Variants in AHI1 observed in about 807,000 individuals in gnomAD.
The protein encoded by AHI1 is jouberin.
AHI1 carries 123 observed loss-of-function variants against 149.3 expected under a neutral mutation model. The observed-to-expected ratio is 0.82, with a 90% CI of 0.71 to 0.96. AHI1 has a LOEUF of 0.96. Ranked by LOEUF, AHI1 falls within the 40% of genes least tolerant of loss-of-function variation. AHI1 has a pLI of 0.00. For synonymous variants in AHI1, 475 were observed against 459.8 expected, an observed-to-expected ratio of 1.03 and a Z score of -0.42; for missense variants, 1,439 against 1,422.7, an observed-to-expected ratio of 1.01 and a Z score of -0.18.
chr6:135,476,097 G>A (rs553875756), intron 5 of AHI1, among the ~76,000 whole-genome samples: 1 of 152,186 alleles, frequency 6.6e-6, no homozygotes, highest in Non-Finnish European at 1.5e-5. Flanking sequence ...AATGCTACAA[G>A]TTTCCTTCTA....
At chr6:135,345,616 C>T (rs1200294818) in intron 24 of AHI1, among the ~76,000 whole-genome samples, 1 of 151,888 alleles carries the variant, frequency 6.6e-6, no homozygotes, top group Non-Finnish European at 1.5e-5. Flanking sequence ...AATAGGCAAA[C>T]CCATAGAGAT....
rs770273511 is a variant in AHI1, at chr6:135,463,161, G to A, written c.895C>T (p.Pro299Ser). 2 of 1,596,092 alleles carry A rather than the reference G, an allele frequency of 1.3e-6. No homozygotes were observed. Among genetic ancestry groups the A allele is most frequent in the Non-Finnish European group, 1.7e-6 (2 of 1,172,928 alleles). Residue 299 changes from proline (P) to serine (S), a missense_variant, in exon 8 of 29, where the codon CCT (proline) becomes TCT (serine). By Grantham distance (74) the Pro-to-Ser change is moderately conservative. Coordinates refer to ENST00000265602, the MANE Select transcript of AHI1 (RefSeq NM_001134831.2). ...TTCTTTTTTGTTTTTTTTGGTTTAG[G>A]TTTTGTATCATCTTGCATGCTGTCT... ...TEDSMQDDTK[P>S]KPKKTKKKTK...
In AHI1 at chr6:135,340,658, C is replaced by CATATATAT. The variant is rs71006759; in HGVS notation, c.3166-17342_3166-17335dup. 4.2e-3 allele frequency among the ~76,000 whole-genome samples: 160 copies of CATATATAT among 37,954 alleles called. 1 individual carries two copies. Among genetic ancestry groups the CATATATAT allele is most frequent in the African/African-American group, 0.017 (125 of 7,360 alleles). The allele number at this position is 37,954 out of a possible 152,430, so 24.9% of individuals were successfully genotyped here. On this transcript the variant is annotated intron_variant, in intron 24 of 28. Coordinates refer to ENST00000265602, the MANE Select transcript of AHI1 (RefSeq NM_001134831.2). ...ACCAGTACATATATATACATACATA[C>CATATATAT]ATATATATATATATATATATATATA...
chr6:135,405,914 T>C (rs1005606161), intron 21 of AHI1, among the ~76,000 whole-genome samples: 2 of 107,568 alleles, frequency 1.9e-5, no homozygotes, highest in Non-Finnish European at 4.1e-5. Context: ...GAAAAAAAAA[T>C]ACTCAAGTCC....
intron 22 of AHI1, among the ~76,000 whole-genome samples, chr6:135,395,867 T>TG (rs397887164): frequency 1.3e-5 from 2 of 151,712 alleles, no homozygotes; most frequent in Non-Finnish European, 3.0e-5. Context: ...CCCATTTTTT[T>TG]GTTAAATAAT....
Position 135,448,467 on chromosome 6 carries a change from T to C in AHI1, c.1449A>G (p.Gly483=), listed in dbSNP as rs988320540. 3 of 1,490,058 alleles carry C rather than the reference T, an allele frequency of 2.0e-6. No individual in the cohort carries two copies. The highest frequency in any genetic ancestry group is 2.7e-6 in the Non-Finnish European group (3 of 1,102,156). The allele number at this position is 1,490,058 out of a possible 1,614,324, so 92.3% of individuals were successfully genotyped here. ...AGTTGATGTTTGCATTTCCATTGGC[T>C]CCCAGAAGCTTAAAATAAGAATTCA... ...KIAWAFLKLL[G]ANGNANINSK... Residue 483 remains glycine, a synonymous_variant, in exon 12 of 29, where the codon GGA becomes GGG. Coordinates refer to ENST00000265602, the MANE Select transcript of AHI1 (RefSeq NM_001134831.2).
chr6:135,472,443 G>T (rs1033731256), intron 5 of AHI1, among the ~76,000 whole-genome samples: 8 of 152,124 alleles, frequency 5.3e-5, no homozygotes, highest in African/African-American at 1.7e-4. Context: ...CCAATTAATA[G>T]ATGTGAATTA....
At chr6:135,302,967 A>G in intron 26 of AHI1, 1 of 438,366 alleles carries the variant, frequency 2.3e-6, no homozygotes, top group Non-Finnish European at 3.8e-6. Flanking sequence ...CATGGATATC[A>G]TTGATTTAGA....
rs369200870 is a variant in AHI1, at chr6:135,358,340, G to GT, written c.3110-154dup. Among the ~76,000 whole-genome samples the GT allele has an allele frequency of 9.5e-4, 144 of 152,320 alleles. 2 individuals are homozygous for GT. Among genetic ancestry groups the GT allele is most frequent in the African/African-American group, 3.1e-3 (128 of 41,580 alleles). ...TTGGAAGGCAAGATCCTTTTAAGAT[G>GT]TATCATGAATTCTTTGGTCAGAAAC... On this transcript the variant is annotated intron_variant, in intron 23 of 28. Transcript: ENST00000265602.
At chr6:135,407,419 G>C (rs750390552) in intron 21 of AHI1, among the ~76,000 whole-genome samples, 1 of 152,130 alleles carries the variant, frequency 6.6e-6, no homozygotes, top group African/African-American at 2.4e-5. Context: ...ACGACACTTT[G>C]TTTTTATTCC....
intron 15 of AHI1, among the ~76,000 whole-genome samples, chr6:135,437,839 C>T (rs932279542): frequency 6.6e-6 from 1 of 152,064 alleles, no homozygotes; most frequent in Non-Finnish European, 1.5e-5. Context: ...TTAAAGTTAG[C>T]TTTTAAAATG....
intron 20 of AHI1, among the ~76,000 whole-genome samples, chr6:135,423,956 T>G (rs1342928152): frequency 1.3e-5 from 2 of 152,048 alleles, no homozygotes; most frequent in East Asian, 3.8e-4. Flanking sequence ...ACTACATGCA[T>G]ATTTATTATG....
In AHI1 at chr6:135,285,440, A is replaced by G. The variant is rs1781566830; in HGVS notation, c.*205T>C. 4 of 620,564 alleles carry G rather than the reference A, an allele frequency of 6.4e-6. No individual in the cohort carries two copies. Among genetic ancestry groups the G allele is most frequent in the South Asian group, 3.9e-5 (2 of 51,106 alleles). 38.4% of individuals were successfully genotyped at this position (620,564 alleles called of 1,614,324 possible). On this transcript the variant is annotated 3_prime_UTR_variant, in exon 29 of 29. Transcript: ENST00000265602. ...TGACCAACAATAGTCACAATGGTTT[A>G]TAACAACTGAACTCAAAGGCCACGT...
chr6:135,321,622 A>C lies in AHI1; in HGVS notation c.3328+1540T>G, dbSNP rs1786843466. Reference sequence around the variant, plus strand: ...ATTCCTTCATCTCTTTGGCTGTCAAAATTGAAAACTTAGGTTAGAATCAAT... The same window carrying C: ...ATTCCTTCATCTCTTTGGCTGTCAACATTGAAAACTTAGGTTAGAATCAAT... On this transcript the variant is annotated intron_variant, in intron 25 of 28. Transcript: ENST00000265602. Among the ~76,000 whole-genome samples the C allele has an allele frequency of 2.0e-5, 3 of 152,190 alleles. No individual in the cohort carries two copies. The South Asian group carries it at 6.2e-4, about 32-fold the overall frequency.
At chr6:135,372,040 G>A (rs1582879657) in intron 23 of AHI1, among the ~76,000 whole-genome samples, 1 of 152,294 alleles carries the variant, frequency 6.6e-6, no homozygotes, top group South Asian at 2.1e-4. Flanking sequence ...CCTAAAAAGG[G>A]TCTATACACC....
chr6:135,315,086 A>C (rs1785745142), intron 26 of AHI1, among the ~76,000 whole-genome samples: 1 of 152,174 alleles, frequency 6.6e-6, no homozygotes, highest in Non-Finnish European at 1.5e-5. Context: ...CTAAGAATTA[A>C]GTATGTCAGC....
chr6:135,357,569 A>G (rs1395264510), intron 24 of AHI1, among the ~76,000 whole-genome samples: 2 of 152,240 alleles, frequency 1.3e-5, no homozygotes, highest in Admixed American at 1.3e-4. Context: ...AGGATAAGAA[A>G]TAAGAGTAGG....
chr6:135,481,019 T>C (rs2128121937), intron 5 of AHI1, among the ~76,000 whole-genome samples: 1 of 152,302 alleles, frequency 6.6e-6, no homozygotes, highest in Non-Finnish European at 1.5e-5. Flanking sequence ...TCCACAAAAC[T>C]GGCCCCTGGT....
intron 24 of AHI1, among the ~76,000 whole-genome samples, chr6:135,345,363 C>T (rs1407805612): frequency 1.3e-5 from 2 of 152,110 alleles, no homozygotes; most frequent in African/African-American, 4.8e-5. Flanking sequence ...CATGCAAAAA[C>T]CTGTACATGA....
Sources: gnomAD v4.1 joint callset for allele counts (sites outside exome capture counted in the v4.1 genomes callset) on GRCh38, gnomAD v4.1.1 for gene constraint, MANE v1.5 for transcripts, NCBI Gene and HGNC (gene_info 2026-07-23, HGNC 2026-07-21) for gene names.